Variants in PARD6G observed in about 807,000 individuals in gnomAD.
The protein encoded by PARD6G is partitioning defective 6 homolog gamma.
Under a neutral mutation model 10.7 loss-of-function variants are expected in PARD6G, and 7 were observed. The ratio of observed to expected loss-of-function variants is 0.66; its 90% confidence interval spans 0.37 to 1.23. PARD6G has a LOEUF of 1.23. Ranked by LOEUF, PARD6G falls within the 50% of genes most tolerant of loss-of-function variation. The pLI is 0.02. For missense variants in PARD6G, 548 were observed against 571.8 expected, an observed-to-expected ratio of 0.96 and a Z score of 0.42; for synonymous variants, 287 against 269.4, an observed-to-expected ratio of 1.07 and a Z score of -0.64.
intron 2 of PARD6G, among the ~76,000 whole-genome samples, chr18:80,179,958 C>T (rs1381256216): frequency 6.6e-6 from 1 of 152,252 alleles, no homozygotes; most frequent in Non-Finnish European, 1.5e-5. Context: ...CTCAGAGGGG[C>T]ACCCAGCTGC....
chr18:80,177,657 T>C, intron 2 of PARD6G, among the ~76,000 whole-genome samples: 1 of 134,360 alleles, frequency 7.4e-6, no homozygotes, highest in Admixed American at 7.5e-5. Context: ...CACACATGCA[T>C]GCATGCACAC....
At position 80,157,880 on chromosome 18, in the gene PARD6G, C is replaced by T. The variant is rs1345220232; in HGVS notation, c.*1891G>A. On this transcript the variant is annotated 3_prime_UTR_variant, in exon 3 of 3. Coordinates refer to ENST00000353265, the MANE Select transcript of PARD6G (RefSeq NM_032510.4). ...AAAATGCTGAGATGCAGTTTTCCCTCTTAGCAGTTCCATGTTCACGAAGTC... is the reference window on the plus strand; with the variant it reads ...AAAATGCTGAGATGCAGTTTTCCCTTTTAGCAGTTCCATGTTCACGAAGTC... The T allele has an allele frequency of 1.3e-5, 2 of 152,326 alleles. No individual in the cohort carries two copies. The highest frequency in any genetic ancestry group is 4.8e-5 in the African/African-American group (2 of 41,448). The allele number at this position is 152,326 out of a possible 1,614,324, so 9.4% of individuals were successfully genotyped here. A position where few individuals can be genotyped will look rare whatever the true frequency, so the allele number is the denominator to read the frequency against.
In PARD6G at chr18:80,191,696, C is replaced by T. The variant is rs1599858255; in HGVS notation, c.295+11014G>A. ...TATGCCACAATTTAAATATATTTGT[C>T]AGACACCTAAGTGGGACCCTTGGAC... On this transcript the variant is annotated intron_variant, in intron 2 of 2. Transcript: ENST00000353265. Among the ~76,000 whole-genome samples the T allele has an allele frequency of 2.0e-5, 3 of 152,354 alleles. No homozygotes were observed. In the East Asian group the frequency reaches 5.8e-4, roughly 29 times the overall value.
chr18:80,201,479 T>C lies in PARD6G; in HGVS notation c.295+1231A>G, dbSNP rs1202449901. Among the ~76,000 whole-genome samples, 2 of 152,164 alleles carry C rather than the reference T, an allele frequency of 1.3e-5. No homozygotes were observed. The highest frequency in any genetic ancestry group is 4.8e-5 in the African/African-American group (2 of 41,436). On this transcript the variant is annotated intron_variant, in intron 2 of 2. Coordinates refer to ENST00000353265, the MANE Select transcript of PARD6G (RefSeq NM_032510.4). This position sits in a 1 kb window ranked among gnomAD's most constrained non-coding sequence, Gnocchi z 5.9. ...GAAGGACTGATGTGGAAGCTGAAGCTCAGCCCGTCCCCCAGGCCACTGTGA... is the reference window on the plus strand; with the variant it reads ...GAAGGACTGATGTGGAAGCTGAAGCCCAGCCCGTCCCCCAGGCCACTGTGA...
At chr18:80,195,991 ACTCATACCTTTTAAC>A (rs900850464) in intron 2 of PARD6G, among the ~76,000 whole-genome samples, 1 of 152,118 alleles carries the variant, frequency 6.6e-6, no homozygotes, top group African/African-American at 2.4e-5. Context: ...AGTTCAAAAT[ACTCATACCTTTTAAC>A]CCAGCAAGAA....
At position 80,181,963 on chromosome 18, in the gene PARD6G, C is replaced by T. The variant is rs1017779811; in HGVS notation, c.295+20747G>A. On this transcript the variant is annotated intron_variant, in intron 2 of 2. Coordinates refer to ENST00000353265, the MANE Select transcript of PARD6G (RefSeq NM_032510.4). The surrounding 1 kb of genome is among the most constrained non-coding windows in gnomAD (Gnocchi z 7.9). ...ACACAACACGTTTCCAGTGGAGAAG[C>T]CCTTTGCAGAGTTCAGAGCTCTCGC... 1.3e-5 allele frequency among the ~76,000 whole-genome samples: 2 copies of T among 152,158 alleles called. No individual in the cohort carries two copies. The highest frequency in any genetic ancestry group is 4.8e-5 in the African/African-American group (2 of 41,428).
At position 80,228,051 on chromosome 18, in the gene PARD6G, G is replaced by T. The variant is rs1967313818; in HGVS notation, c.72+19226C>A. 6.6e-6 allele frequency among the ~76,000 whole-genome samples: 1 copy of T among 152,134 alleles called. No individual in the cohort carries two copies. Among genetic ancestry groups the T allele is most frequent in the Admixed American group, 6.5e-5 (1 of 15,274 alleles). ...GGCTGAACGGTGAAAGAAAAATATG[G>T]TCTCCATTTTATCCCCAAGAGAGCT... is the stretch of plus-strand genomic sequence containing the variant. On this transcript the variant is annotated intron_variant, in intron 1 of 2. Transcript: ENST00000353265. The surrounding 1 kb of genome is among the most constrained non-coding windows in gnomAD (Gnocchi z 4.6).
intron 1 of PARD6G, among the ~76,000 whole-genome samples, chr18:80,207,021 A>T (rs978420127): frequency 6.7e-6 from 1 of 149,796 alleles, no homozygotes; most frequent in Non-Finnish European, 1.5e-5. Context: ...AAGACTTAAC[A>T]GTAAATGAAA....
At chr18:80,171,077 A>C (rs570062713) in intron 2 of PARD6G, 1 of 152,350 alleles carries the variant, frequency 6.6e-6, no homozygotes, top group South Asian at 2.1e-4. Flanking sequence ...CACCCCAAGT[A>C]ATCTGTACTC....
chr18:80,179,085 A>C (rs2052833210), intron 2 of PARD6G, among the ~76,000 whole-genome samples: 1 of 152,118 alleles, frequency 6.6e-6, no homozygotes, highest in East Asian at 1.9e-4. Flanking sequence ...ACAAAGCGCC[A>C]GTGGGAACTC....
rs767082132 is a variant in PARD6G, at chr18:80,202,722, T to A, written c.283A>T (p.Ile95Phe). 1 of 1,612,714 alleles carries A rather than the reference T, an allele frequency of 6.2e-7. No homozygotes were observed. The highest frequency in any genetic ancestry group is 8.5e-7 in the Non-Finnish European group (1 of 1,179,802). The change falls in exon 2 of 3, where the codon ATC becomes TTC. Residue 95 changes from isoleucine (I) to phenylalanine (F), a missense_variant. Around this residue, in one of 2 missense-constraint regions of PARD6G, gnomAD observed 235 missense variants for 291.9 expected, o/e 0.81. Transcript: ENST00000353265. ...ACCACTTCAGTACCTCGTTTCTGGA[T>A]GAAGACCCTGAGCAGGGGATTTGCA... ...SSANPLLRVF[I>F]QKREEAERGS...
chr18:80,186,869 C>CT (rs1444892744), intron 2 of PARD6G, among the ~76,000 whole-genome samples: 2 of 152,130 alleles, frequency 1.3e-5, no homozygotes, highest in African/African-American at 4.8e-5. Context: ...AATCCCAGCA[C>CT]TTTGGGAGGC....
chr18:80,210,539 G>A (rs969426933), intron 1 of PARD6G, among the ~76,000 whole-genome samples: 8 of 152,290 alleles, frequency 5.3e-5, no homozygotes, highest in Middle Eastern at 3.4e-3. Flanking sequence ...TCCAGGAAAA[G>A]CCCTTCTCAT....
At position 80,246,793 on chromosome 18, in the gene PARD6G, G is replaced by C. The variant is rs1255485423; in HGVS notation, c.72+484C>G. Among the ~76,000 whole-genome samples, 5 of 151,974 alleles carry C rather than the reference G, an allele frequency of 3.3e-5. No homozygotes were observed. The highest frequency in any genetic ancestry group is 7.4e-5 in the Non-Finnish European group (5 of 67,942). ...GGTGGGGGACGCCGGGCTCGGAGCC[G>C]GCGGCAAGTCTCCTCCTGGCAGGTA... On this transcript the variant is annotated intron_variant, in intron 1 of 2. Coordinates refer to ENST00000353265, the MANE Select transcript of PARD6G (RefSeq NM_032510.4). This position sits in a 1 kb window ranked among gnomAD's most constrained non-coding sequence, Gnocchi z 6.7.
intron 1 of PARD6G, among the ~76,000 whole-genome samples, chr18:80,242,088 G>A (rs1044788016): frequency 6.6e-6 from 1 of 152,172 alleles, no homozygotes; most frequent in African/African-American, 2.4e-5. Flanking sequence ...GGCCATCAGA[G>A]TCTCCCAGGC....
At chr18:80,172,052 T>C (rs912894270) in intron 2 of PARD6G, among the ~76,000 whole-genome samples, 2 of 152,222 alleles carry the variant, frequency 1.3e-5, no homozygotes, top group Non-Finnish European at 2.9e-5. Flanking sequence ...TTCTGCTGGA[T>C]ATACACCTAG....
Position 80,202,886 on chromosome 18 carries a change from C to T in PARD6G, c.119G>A (p.Gly40Glu). 6.2e-7 allele frequency: 1 copy of T among 1,604,098 alleles called. No homozygotes were observed. Among genetic ancestry groups the T allele is most frequent in the Non-Finnish European group, 8.5e-7 (1 of 1,178,520 alleles). ...RRFSLDRHKPGKFEDFYKLVV... is the reference protein window; with the variant it reads ...RRFSLDRHKPEKFEDFYKLVV... ...CAGCTTGTAGAAATCTTCAAACTTC[C>T]CAGGCTTATGACGGTCCAGAGAGAA... The change falls in exon 2 of 3, where the codon GGG (glycine) becomes GAG (glutamate). Residue 40 changes from glycine to glutamate, a missense_variant. Coordinates refer to ENST00000353265, the MANE Select transcript of PARD6G (RefSeq NM_032510.4).
chr18:80,171,968 C>G (rs1205857484), intron 2 of PARD6G, among the ~76,000 whole-genome samples: 2 of 152,172 alleles, frequency 1.3e-5, no homozygotes, highest in Non-Finnish European at 2.9e-5. Context: ...TAGCGTGTTT[C>G]TCTTTTGGTT....
chr18:80,210,661 T>C (rs1967098162), intron 1 of PARD6G, among the ~76,000 whole-genome samples: 1 of 152,220 alleles, frequency 6.6e-6, no homozygotes, highest in African/African-American at 2.4e-5. Flanking sequence ...AAAAAGTTTT[T>C]TTCCATGGGC....
Sources: allele counts gnomAD v4.1 joint callset (sites outside exome capture counted in the v4.1 genomes callset), GRCh38; gene constraint gnomAD v4.1.1; regional missense constraint gnomAD v4.1.1; non-coding constraint Gnocchi (gnomAD v3.1); transcripts MANE v1.5; gene names NCBI Gene and HGNC (gene_info 2026-07-23, HGNC 2026-07-21).